GOLM2: variants seen among roughly 807,000 people sequenced by gnomAD.
The protein encoded by GOLM2 is protein GOLM2.
A neutral mutation model predicts 55.9 loss-of-function variants in GOLM2; 26 were observed. The ratio of observed to expected loss-of-function variants is 0.47; its 90% CI spans 0.34 to 0.65. The LOEUF (loss-of-function observed/expected upper bound fraction) is 0.65, where lower values mean the gene tolerates loss of function less well. GOLM2 is among the 30% of genes least tolerant of loss of function. The probability of loss-of-function intolerance (pLI) is 0.01; values close to 1 mark genes in which losing one functional copy is unlikely to be tolerated. For synonymous variants in GOLM2, 165 were observed against 194.6 expected, an observed-to-expected ratio of 0.85 and a Z score of 1.27; for missense variants, 486 against 531.8, an observed-to-expected ratio of 0.91 and a Z score of 0.85.
intron 1 of GOLM2, among the ~76,000 whole-genome samples, chr15:44,290,441 C>T (rs2078712523): frequency 6.6e-6 from 1 of 152,194 alleles, no homozygotes; most frequent in Non-Finnish European, 1.5e-5. Context: ...GAGCTTCTAA[C>T]TTTCCTGTTG....
intron 1 of GOLM2, among the ~76,000 whole-genome samples, chr15:44,303,110 A>C (rs911073008): frequency 2.0e-4 from 28 of 137,380 alleles, no homozygotes; most frequent in African/African-American, 7.5e-4. Context: ...CTCAATAAAT[A>C]AATAAATAAA....
rs763002367 is a variant in GOLM2 at position 44,338,330 on chromosome 15, T to C, written c.802+13T>C. On this transcript the variant is annotated intron_variant, in intron 6 of 9. Transcript: ENST00000299957. ...GATCTTCCCCCTGGTAAGTAAAAAT[T>C]GTTAGAGAATTCGACTAAAGTGATG... is the stretch of plus-strand genomic sequence containing the variant. 1.9e-6 allele frequency: 3 copies of C among 1,596,692 alleles called. No individual in the cohort carries two copies. In the East Asian group the frequency reaches 6.7e-5, roughly 36 times the overall value.
At chr15:44,334,049 A>G (rs548706737) in intron 4 of GOLM2, among the ~76,000 whole-genome samples, 18 of 152,054 alleles carry the variant, frequency 1.2e-4, no homozygotes, top group Non-Finnish European at 2.4e-4. Context: ...TACAGATGAG[A>G]GCTTTCCCTT....
intron 1 of GOLM2, among the ~76,000 whole-genome samples, chr15:44,293,174 C>T (rs2078733285): frequency 6.6e-6 from 1 of 152,196 alleles, no homozygotes; most frequent in Non-Finnish European, 1.5e-5. Flanking sequence ...AAGTGATCCT[C>T]CTGCCTTGGC....
At chr15:44,358,885 G>A (rs543303535) in intron 6 of GOLM2, among the ~76,000 whole-genome samples, 71 of 152,238 alleles carry the variant, frequency 4.7e-4, no homozygotes, top group African/African-American at 1.5e-3. Flanking sequence ...GGCCGGGCAC[G>A]GTGGCTCACG....
At chr15:44,408,164 A>G (rs1712082600) in intron 9 of GOLM2, among the ~76,000 whole-genome samples, 1 of 152,210 alleles carries the variant, frequency 6.6e-6, no homozygotes, top group African/African-American at 2.4e-5. Flanking sequence ...TTTTACCTTG[A>G]TGAACTATTT....
In GOLM2 at chr15:44,338,275, A is replaced by G. The variant is rs1261290976; in HGVS notation, c.760A>G (p.Ile254Val). The change falls in exon 6 of 10, where the codon ATA becomes GTA. Residue 254 changes from isoleucine to valine, a missense_variant. Transcript: ENST00000299957. Reference sequence around the variant, plus strand: ...AGGTGGTGATGCAGGGATGCCTGGAATAGAAGAGAATGACCTAGCAAAAGT... The same window carrying G: ...AGGTGGTGATGCAGGGATGCCTGGAGTAGAAGAGAATGACCTAGCAAAAGT... ...KRGGDAGMPG[I>V]EENDLAKVDD... is the part of the protein sequence containing the mutation. 1.2e-6 allele frequency: 2 copies of G among 1,613,944 alleles called. No individual in the cohort carries two copies. The highest frequency in any genetic ancestry group is 1.7e-5 in the Admixed American group (1 of 60,020).
chr15:44,298,394 G>C (rs929559956), intron 1 of GOLM2, among the ~76,000 whole-genome samples: 1 of 150,054 alleles, frequency 6.7e-6, no homozygotes, highest in South Asian at 2.1e-4. Flanking sequence ...CTCCCAAGTA[G>C]CTGGGATTAT....
At chr15:44,307,010 T>A (rs2078841832) in intron 1 of GOLM2, among the ~76,000 whole-genome samples, 1 of 152,096 alleles carries the variant, frequency 6.6e-6, no homozygotes, top group Admixed American at 6.6e-5. Flanking sequence ...TTTGAAATAT[T>A]TTGAGAATTA....
chr15:44,321,467 C>CAA (rs35260808), intron 1 of GOLM2, among the ~76,000 whole-genome samples: 18 of 32,642 alleles, frequency 5.5e-4, no homozygotes, highest in South Asian at 2.4e-3. Flanking sequence ...GAACATGTCT[C>CAA]AAAAAAAAAA....
At chr15:44,396,573 T>C (rs937279877) in intron 8 of GOLM2, among the ~76,000 whole-genome samples, 7 of 152,162 alleles carry the variant, frequency 4.6e-5, no homozygotes, top group Non-Finnish European at 1.0e-4. Context: ...TCTCTACTAG[T>C]TTCTGAAGTT....
At chr15:44,375,233 C>T (rs781206318) in intron 6 of GOLM2, among the ~76,000 whole-genome samples, 20 of 152,078 alleles carry the variant, frequency 1.3e-4, no homozygotes, top group Non-Finnish European at 2.4e-4. Flanking sequence ...GTTGGCCAGG[C>T]TGGTTTCAAA....
At chr15:44,390,149 T>C (rs2079477720) in intron 8 of GOLM2, 1 of 152,252 alleles carries the variant, frequency 6.6e-6, no homozygotes, top group East Asian at 1.9e-4. Flanking sequence ...TTTCACCATA[T>C]TTGGAAGATG....
At chr15:44,381,594 C>A (rs2079403681) in intron 8 of GOLM2, among the ~76,000 whole-genome samples, 1 of 152,182 alleles carries the variant, frequency 6.6e-6, no homozygotes, top group Non-Finnish European at 1.5e-5. Flanking sequence ...GACAGAATCT[C>A]TAAAAGCTTC....
At position 44,321,033 on chromosome 15, in the gene GOLM2, G is replaced by A. The variant is rs1002409022; in HGVS notation, c.328-1932G>A. On this transcript the variant is annotated intron_variant, in intron 1 of 9. Coordinates refer to ENST00000299957, the MANE Select transcript of GOLM2 (RefSeq NM_138423.4). Reference sequence around the variant, plus strand: ...TTCCATGAAGTTTTCCCGGATCTCTGGATTCTTGTAGTAATTATACTGCTT... The same window carrying A: ...TTCCATGAAGTTTTCCCGGATCTCTAGATTCTTGTAGTAATTATACTGCTT... 9.2e-5 allele frequency among the ~76,000 whole-genome samples: 14 copies of A among 152,100 alleles called. 1 individual carries two copies. The highest frequency in any genetic ancestry group is 7.9e-4 in the Admixed American group (12 of 15,276).
intron 6 of GOLM2, among the ~76,000 whole-genome samples, chr15:44,362,272 C>G (rs1200974165): frequency 6.6e-6 from 1 of 152,154 alleles, no homozygotes; most frequent in African/African-American, 2.4e-5. Flanking sequence ...TTGCAGACAA[C>G]ATGATTGTAT....
At position 44,288,870 on chromosome 15, in the gene GOLM2, C is replaced by G; in HGVS notation, c.-160C>G. The G allele has an allele frequency of 1.6e-6, 1 of 640,318 alleles. No individual in the cohort carries two copies. 39.7% of individuals were successfully genotyped at this position (640,318 alleles called of 1,614,324 possible). ...GGGGCGGGGAGGGACCTGCGGCTTG[C>G]GGCCCCGCCCCCTTCTCCGGCTCGC... On this transcript the variant is annotated 5_prime_UTR_variant, in exon 1 of 10. Transcript: ENST00000299957.
At position 44,311,690 on chromosome 15, in the gene GOLM2, C is replaced by T. The variant is rs560058970; in HGVS notation, c.328-11275C>T. Among the ~76,000 whole-genome samples the T allele has an allele frequency of 3.3e-5, 5 of 152,200 alleles. No homozygotes were observed. In the East Asian group the frequency reaches 9.6e-4, roughly 29 times the overall value. The stretch of plus-strand genomic sequence containing the variant: ...TGTGTGATGGAGTCTCTCCCTGTCA[C>T]CCAGGCTGGAGTGCAATGGCACGAT... On this transcript the variant is annotated intron_variant, in intron 1 of 9. Coordinates refer to ENST00000299957, the MANE Select transcript of GOLM2 (RefSeq NM_138423.4).
At chr15:44,336,373 T>G (rs1239207252) in intron 4 of GOLM2, among the ~76,000 whole-genome samples, 1 of 151,372 alleles carries the variant, frequency 6.6e-6, no homozygotes, top group Admixed American at 6.6e-5. Context: ...CACCTCGGCC[T>G]CCCGAAGTGC....
Sources: gnomAD v4.1 joint callset for allele counts (sites outside exome capture counted in the v4.1 genomes callset) on GRCh38, gnomAD v4.1.1 for gene constraint, MANE v1.5 for transcripts, NCBI Gene and HGNC (gene_info 2026-07-23, HGNC 2026-07-21) for gene names.